The following FRS3 variants were observed in gnomAD, a reference collection of about 807,000 sequenced individuals.
The protein encoded by FRS3 is fibroblast growth factor receptor substrate 3.
Under a neutral mutation model 41.9 loss-of-function variants are expected in FRS3, and 17 were observed. The observed-to-expected ratio is 0.41, with a 90% confidence interval of 0.28 to 0.61. FRS3 has a LOEUF of 0.61. Ranked by LOEUF, FRS3 falls within the 20% of genes least tolerant of loss-of-function variation. The pLI is 0.36. For synonymous variants in FRS3, 287 were observed against 274.5 expected, an observed-to-expected ratio of 1.05 and a Z score of -0.45; for missense variants, 619 against 672.1, an observed-to-expected ratio of 0.92 and a Z score of 0.87.
Position 41,770,187 on chromosome 6 carries a change from AATAATT to A in FRS3, c.*426_*431del, listed in dbSNP as rs1772247984. The A allele has an allele frequency of 6.6e-6, 1 of 152,280 alleles. No individual in the cohort carries two copies. Among genetic ancestry groups the A allele is most frequent in the Admixed American group, 6.5e-5 (1 of 15,282 alleles). 9.4% of individuals were successfully genotyped at this position (152,280 alleles called of 1,614,324 possible). A position where few individuals can be genotyped will look rare whatever the true frequency, so the allele number is the denominator to read the frequency against. On this transcript the variant is annotated 3_prime_UTR_variant, in exon 7 of 7. Coordinates refer to ENST00000373018, the MANE Select transcript of FRS3 (RefSeq NM_006653.5). ...GATATCCACTGGGCCAGAATTTAAAAATAATTATATTAATAATAAATATGTTAAATT... is the reference window on the plus strand; with the variant it reads ...GATATCCACTGGGCCAGAATTTAAAAATATTAATAATAAATATGTTAAATT...
intron 3 of FRS3, among the ~76,000 whole-genome samples, chr6:41,776,102 A>G (rs1344852041): frequency 1.3e-5 from 2 of 152,132 alleles, no homozygotes; most frequent in Non-Finnish European, 2.9e-5. Flanking sequence ...CAGGAGAAAC[A>G]TGTGCTTCAA....
rs771190784 is a variant in FRS3, at chr6:41,771,801, C to T, written c.564+15G>A. On this transcript the variant is annotated intron_variant, in intron 6 of 6. Coordinates refer to ENST00000373018, the MANE Select transcript of FRS3 (RefSeq NM_006653.5). Reference sequence around the variant, plus strand: ...CCAGACCAACAGGGCAGGGGCTGGCCGGCTGCGTGCTCACCTGCTCATCAG... The same window carrying T: ...CCAGACCAACAGGGCAGGGGCTGGCTGGCTGCGTGCTCACCTGCTCATCAG... 5.8e-6 allele frequency: 9 copies of T among 1,549,168 alleles called. No individual in the cohort carries two copies. The highest frequency in any genetic ancestry group is 4.9e-5 in the East Asian group (2 of 41,050).
intron 6 of FRS3, 52 bp downstream of exon 6, chr6:41,771,764 C>T: frequency 6.5e-7 from 1 of 1,532,976 alleles, no homozygotes; most frequent in Non-Finnish European, 8.8e-7. Flanking sequence ...ATTTCCTATC[C>T]CTCGTCCCCA....
At chr6:41,771,781 C>A in intron 6 of FRS3, 35 bp downstream of exon 6, 1 of 1,545,198 alleles carries the variant, frequency 6.5e-7, no homozygotes, top group Non-Finnish European at 8.7e-7. Flanking sequence ...CCCACCCAGA[C>A]CAACAGGGCA....
rs3747747 is a variant in FRS3 at position 41,771,436 on chromosome 6, G to A, written c.662C>T (p.Pro221Leu). Residue 221 changes from proline to leucine, a missense_variant, in exon 7 of 7, where the codon CCG (proline) becomes CTG (leucine). Transcript: ENST00000373018. The part of the protein sequence containing the change: ...PLPEGQAPFL[P>L]QARGPDQRDP... The stretch of plus-strand genomic sequence containing the variant: ...CCGTTGGTCAGGTCCCCGGGCCTGC[G>A]GGAGGAAGGGTGCCTGACCCTCAGG... 382 of 1,611,614 alleles carry A rather than the reference G, an allele frequency of 2.4e-4. 3 individuals are homozygous for A. The East Asian group carries it at 7.9e-3, about 33-fold the overall frequency.
At chr6:41,771,743 G>A (rs1772299155) in intron 6 of FRS3, 73 bp downstream of exon 6, 4 of 1,453,800 alleles carry the variant, frequency 2.8e-6, no homozygotes, top group Non-Finnish European at 3.7e-6. Flanking sequence ...TTACTGGGAG[G>A]AGGTGGCCTT....
chr6:41,778,709 AG>A (rs1214633601), intron 1 of FRS3, among the ~76,000 whole-genome samples: 1 of 152,200 alleles, frequency 6.6e-6, no homozygotes, highest in African/African-American at 2.4e-5. Flanking sequence ...TAACTTGCAG[AG>A]GTAAAAACGT....
In FRS3 at chr6:41,770,486, G is replaced by A. The variant is rs1772256805; in HGVS notation, c.*133C>T. 7 of 776,034 alleles carry A rather than the reference G, an allele frequency of 9.0e-6. No individual in the cohort carries two copies. Among genetic ancestry groups the A allele is most frequent in the Non-Finnish European group, 1.5e-5 (7 of 469,480 alleles). The allele number at this position is 776,034 out of a possible 1,614,324, so 48.1% of individuals were successfully genotyped here. A position where few individuals can be genotyped will look rare whatever the true frequency, so the allele number is the denominator to read the frequency against. On this transcript the variant is annotated 3_prime_UTR_variant, in exon 7 of 7. Transcript: ENST00000373018. ...CTCTGGGGACTCCAGCCAGCACAGG[G>A]AAGCATCTGGTCCCACCTCCATGCC... is the stretch of plus-strand genomic sequence containing the variant.
At chr6:41,775,018 G>A (rs1006066196) in intron 4 of FRS3, among the ~76,000 whole-genome samples, 3 of 152,122 alleles carry the variant, frequency 2.0e-5, no homozygotes, top group African/African-American at 7.2e-5. Flanking sequence ...AAGGTAAGAT[G>A]CATGGAGGGA....
chr6:41,772,277 G>A (rs1772315139), intron 5 of FRS3, among the ~76,000 whole-genome samples: 2 of 152,288 alleles, frequency 1.3e-5, no homozygotes, highest in South Asian at 4.1e-4. Flanking sequence ...AGGTCTGCCA[G>A]TAAGGTCCAG....
At chr6:41,777,034 C>G (rs1772426997) in intron 2 of FRS3, 24 bp from the exon 3 acceptor site, 1 of 1,558,998 alleles carries the variant, frequency 6.4e-7, no homozygotes, top group African/African-American at 1.4e-5. Context: ...ACAGGATATG[C>G]AGGTCACCAA....
intron 5 of FRS3, 110 bp from the exon 6 acceptor site, chr6:41,772,074 T>G: frequency 1.1e-6 from 1 of 886,686 alleles, no homozygotes; most frequent in African/African-American, 1.7e-5. Flanking sequence ...ACAGATGTTC[T>G]CAGGGCGTCA....
chr6:41,778,590 T>C (rs531076977), intron 1 of FRS3, among the ~76,000 whole-genome samples: 2 of 152,356 alleles, frequency 1.3e-5, no homozygotes, highest in South Asian at 4.1e-4. Flanking sequence ...CGGTCAGTTT[T>C]GTTGCTACTA....
chr6:41,770,660 C>T lies in FRS3; in HGVS notation c.1438G>A (p.Ala480Thr), dbSNP rs202004280. 2.5e-4 allele frequency: 396 copies of T among 1,614,120 alleles called. No homozygotes were observed. Among genetic ancestry groups the T allele is most frequent in the Non-Finnish European group, 9.2e-5 (108 of 1,180,032 alleles). ...GTGCTGTTGTGCCGGGTTTTCCTGGCGGTGCCATCGTCTCGGGGCAGAGCT... is the reference window on the plus strand; with the variant it reads ...GTGCTGTTGTGCCGGGTTTTCCTGGTGGTGCCATCGTCTCGGGGCAGAGCT... Reference protein sequence around the residue: ...QRALPRDDGTARKTRHNSTDL... With the variant: ...QRALPRDDGTTRKTRHNSTDL... Residue 480 changes from alanine to threonine, a missense_variant, in exon 7 of 7, where the codon GCC (alanine) becomes ACC (threonine). By Grantham distance (58) the Ala-to-Thr change is moderately conservative (BLOSUM62 0). Around this residue, in one of 3 missense-constraint regions of FRS3, gnomAD observed 32 missense variants for 55.6 expected, o/e 0.58. Coordinates refer to ENST00000373018, the MANE Select transcript of FRS3 (RefSeq NM_006653.5).
At position 41,773,076 on chromosome 6, in the gene FRS3, G is replaced by A. The variant is rs901736767; in HGVS notation, c.254-117C>T. 5.2e-5 allele frequency: 39 copies of A among 743,830 alleles called. No individual in the cohort carries two copies. In the African/African-American group the frequency reaches 6.3e-4, roughly 12 times the overall value. The allele number at this position is 743,830 out of a possible 1,614,324, so 46.1% of individuals were successfully genotyped here. A position where few individuals can be genotyped will look rare whatever the true frequency, so the allele number is the denominator to read the frequency against. ...TCCAGTCCCAGGCCTGTAGGGGCAG[G>A]AGAGCCTCTCCTCATCTTGAGCATT... On this transcript the variant is annotated intron_variant, in intron 4 of 6. Transcript: ENST00000373018.
chr6:41,778,711 G>A (rs1772461308), intron 1 of FRS3, among the ~76,000 whole-genome samples: 1 of 152,112 alleles, frequency 6.6e-6, no homozygotes, highest in South Asian at 2.1e-4. Flanking sequence ...ACTTGCAGAG[G>A]TAAAAACGTA....
chr6:41,775,370 A>G, intron 4 of FRS3, 49 bp downstream of exon 4: 1 of 1,455,282 alleles, frequency 6.9e-7, no homozygotes, highest in Non-Finnish European at 9.3e-7. Flanking sequence ...GGAACCCTGG[A>G]GTACTGCATA....
rs757127232 is a variant in FRS3 at position 41,775,470 on chromosome 6, C to T, written c.202G>A (p.Asp68Asn). 2.5e-6 allele frequency: 4 copies of T among 1,613,564 alleles called. No individual in the cohort carries two copies. The highest frequency in any genetic ancestry group is 3.4e-6 in the Non-Finnish European group (4 of 1,180,014). The change falls in exon 4 of 7, where the codon GAC becomes AAC. Residue 68 changes from aspartate to asparagine, a missense_variant. Coordinates refer to ENST00000373018, the MANE Select transcript of FRS3 (RefSeq NM_006653.5). Reference sequence around the variant, plus strand: ...CTCTCAAAGGAGAAGAGGTTGGAGTCGTAGCCATAGCGCCGCAAGCAGAGA... The same window carrying T: ...CTCTCAAAGGAGAAGAGGTTGGAGTTGTAGCCATAGCGCCGCAAGCAGAGA... ...PYLCLRRYGY[D>N]SNLFSFESGR...
intron 2 of FRS3, 39 bp downstream of exon 2, chr6:41,777,994 G>C (rs1415991838): frequency 6.6e-6 from 1 of 152,586 alleles, no homozygotes; most frequent in Non-Finnish European, 1.5e-5. Context: ...TCCCAACTTG[G>C]GAAACGCCAT....
Sources: allele counts gnomAD v4.1 joint callset (sites outside exome capture counted in the v4.1 genomes callset), GRCh38; gene constraint gnomAD v4.1.1; regional missense constraint gnomAD v4.1.1; transcripts MANE v1.5; gene names NCBI Gene and HGNC (gene_info 2026-07-23, HGNC 2026-07-21).